The following PTPN4 variants were observed in gnomAD, a reference collection of about 807,000 sequenced individuals.
PTPN4 encodes protein tyrosine phosphatase non-receptor type 4, also known as tyrosine-protein phosphatase non-receptor type 4.
A neutral mutation model predicts 135.5 loss-of-function variants in PTPN4; 49 were observed. The ratio of observed to expected loss-of-function variants is 0.36; its 90% confidence interval spans 0.29 to 0.46. The LOEUF (loss-of-function observed/expected upper bound fraction) is 0.46, where lower values mean the gene tolerates loss of function less well. Ranked by LOEUF, PTPN4 falls within the 20% of genes least tolerant of loss-of-function variation. PTPN4 has a pLI of 1.00. For missense variants in PTPN4, 860 were observed against 1,101.0 expected (o/e 0.78, Z 3.10); for synonymous variants, 333 against 369.9 (o/e 0.90, Z 1.14).
chr2:119,874,425 C>T (rs1006823529), intron 3 of PTPN4, among the ~76,000 whole-genome samples: 1 of 152,108 alleles, frequency 6.6e-6, no homozygotes, highest in Non-Finnish European at 1.5e-5. Context: ...AGACACAACC[C>T]AGTATCAGCC....
At chr2:119,959,665 A>G (rs1282573117) in intron 22 of PTPN4, among the ~76,000 whole-genome samples, 1 of 152,256 alleles carries the variant, frequency 6.6e-6, no homozygotes, top group Non-Finnish European at 1.5e-5. Context: ...TTTAGTACAT[A>G]TACTATAATA....
chr2:119,870,470 T>G (rs189320187), intron 3 of PTPN4, among the ~76,000 whole-genome samples: 76 of 152,300 alleles, frequency 5.0e-4, no homozygotes, highest in African/African-American at 1.7e-3. Context: ...ATGGAATTTT[T>G]GGGGAGAAGA....
chr2:119,788,715 A>C (rs1364562575), intron 1 of PTPN4, among the ~76,000 whole-genome samples: 1 of 152,196 alleles, frequency 6.6e-6, no homozygotes, highest in African/African-American at 2.4e-5. Flanking sequence ...GACTTAGCAT[A>C]ATGTCTCAAG....
intron 26 of PTPN4, among the ~76,000 whole-genome samples, chr2:119,976,305 A>G (rs1419050642): frequency 6.6e-6 from 1 of 151,994 alleles, no homozygotes; most frequent in Non-Finnish European, 1.5e-5. Context: ...CCAAGAAACT[A>G]TTTTTAAAAT....
In PTPN4 at chr2:119,855,930, A is replaced by G. The variant is rs1038791982; in HGVS notation, c.139-6606A>G. ...CACCATTCTCCTGCCTCAGCCTCCC[A>G]AGTAGCTAGGACTACAGGCACCCGC... On this transcript the variant is annotated intron_variant, in intron 2 of 26. Transcript: ENST00000263708. 1.8e-4 allele frequency among the ~76,000 whole-genome samples: 27 copies of G among 151,960 alleles called. No individual in the cohort carries two copies. In the East Asian group the frequency reaches 5.2e-3, roughly 29 times the overall value.
At chr2:119,823,991 T>C (rs1677108812) in intron 2 of PTPN4, among the ~76,000 whole-genome samples, 1 of 152,228 alleles carries the variant, frequency 6.6e-6, no homozygotes, top group Admixed American at 6.5e-5. Context: ...TTTTGATATG[T>C]TGTCTTTTCA....
chr2:119,819,853 G>A (rs1677038735), intron 2 of PTPN4, among the ~76,000 whole-genome samples: 1 of 151,918 alleles, frequency 6.6e-6, no homozygotes, highest in African/African-American at 2.4e-5. Flanking sequence ...AGGAATACTT[G>A]GCTGTTGTTT....
intron 2 of PTPN4, among the ~76,000 whole-genome samples, chr2:119,826,402 C>T (rs1239378211): frequency 6.6e-6 from 1 of 152,218 alleles, no homozygotes; most frequent in Non-Finnish European, 1.5e-5. Context: ...TGAGCCCTTA[C>T]CGGAAACTAT....
At chr2:119,814,240 T>A (rs957737845) in intron 2 of PTPN4, among the ~76,000 whole-genome samples, 4 of 152,230 alleles carry the variant, frequency 2.6e-5, no homozygotes, top group African/African-American at 4.8e-5. Context: ...CTATTCACTA[T>A]GTAGATTTTT....
At chr2:119,808,069 C>T (rs866066016) in intron 1 of PTPN4, among the ~76,000 whole-genome samples, 7 of 152,122 alleles carry the variant, frequency 4.6e-5, no homozygotes, top group Admixed American at 1.3e-4. Context: ...ATTGATGGAA[C>T]GTATCTCAAA....
intron 2 of PTPN4, among the ~76,000 whole-genome samples, chr2:119,856,285 A>G (rs1677680009): frequency 6.6e-6 from 1 of 152,122 alleles, no homozygotes; most frequent in African/African-American, 2.4e-5. Context: ...TACAAGTGTG[A>G]TGTTACAGTA....
At chr2:119,771,496 A>C in intron 1 of PTPN4, 1 of 152,246 alleles carries the variant, frequency 6.6e-6, no homozygotes, top group Non-Finnish European at 1.5e-5. Flanking sequence ...TCTGCTATCT[A>C]CTGTAAGCAT....
intron 11 of PTPN4, chr2:119,915,892 C>CTTT (rs1678646152): frequency 6.6e-6 from 1 of 151,872 alleles, no homozygotes; most frequent in Non-Finnish European, 1.5e-5. Context: ...TATTTGAAAC[C>CTTT]ATAAAAATGT....
intron 2 of PTPN4, among the ~76,000 whole-genome samples, chr2:119,815,552 A>G (rs1024176179): frequency 1.3e-5 from 2 of 152,224 alleles, no homozygotes; most frequent in Admixed American, 6.5e-5. Flanking sequence ...TACTGGCAGT[A>G]TTGATTAAAA....
rs953261257 is a variant in PTPN4 at position 119,886,094 on chromosome 2, T to C, written c.675+212T>C. ...TTAATGTGGATTCTTCAAGGTAGTG[T>C]TTTATATGTAAAGATAATTTTTACA... On this transcript the variant is annotated intron_variant, in intron 9 of 26. Coordinates refer to ENST00000263708, the MANE Select transcript of PTPN4 (RefSeq NM_002830.4). Among the ~76,000 whole-genome samples, 58 of 152,174 alleles carry C rather than the reference T, an allele frequency of 3.8e-4. 1 individual carries two copies. The highest frequency in any genetic ancestry group is 1.3e-3 in the African/African-American group (54 of 41,456).
chr2:119,969,203 G>A (rs1679491035), intron 26 of PTPN4, among the ~76,000 whole-genome samples: 1 of 151,828 alleles, frequency 6.6e-6, no homozygotes, highest in African/African-American at 2.4e-5. Flanking sequence ...TGTAGAGAGG[G>A]GATCTCACTA....
chr2:119,765,509 T>G (rs1313086571), intron 1 of PTPN4, among the ~76,000 whole-genome samples: 1 of 152,242 alleles, frequency 6.6e-6, no homozygotes, highest in East Asian at 1.9e-4. Context: ...TAATTGTATT[T>G]CATTGTTTTA....
chr2:119,838,537 G>T (rs887199765), intron 2 of PTPN4, among the ~76,000 whole-genome samples: 1 of 152,154 alleles, frequency 6.6e-6, no homozygotes, highest in African/African-American at 2.4e-5. Context: ...CCTTGTACTT[G>T]GTCTGCCAAC....
intron 23 of PTPN4, 96 bp from the exon 24 acceptor site, chr2:119,962,520 A>T: frequency 1.4e-6 from 1 of 707,124 alleles, no homozygotes; most frequent in Non-Finnish European, 2.0e-6. Flanking sequence ...TAACTTTTAT[A>T]TGTTTGAAAT....
Sources: gnomAD v4.1 joint callset for allele counts (sites outside exome capture counted in the v4.1 genomes callset) on GRCh38, gnomAD v4.1.1 for gene constraint, MANE v1.5 for transcripts, NCBI Gene and HGNC (gene_info 2026-07-23, HGNC 2026-07-21) for gene names.